Variants in PPP2R5C observed in about 807,000 individuals in gnomAD.
PPP2R5C encodes serine/threonine-protein phosphatase 2A 56 kDa regulatory subunit gamma isoform.
PPP2R5C carries 7 observed loss-of-function variants against 68.9 expected under a neutral mutation model. The observed-to-expected ratio is 0.10, with a 90% CI of 0.06 to 0.19. PPP2R5C has a LOEUF of 0.19. PPP2R5C is among the 10% of genes least tolerant of loss of function. PPP2R5C has a pLI of 1.00. For missense variants in PPP2R5C, 348 were observed against 641.3 expected, an observed-to-expected ratio of 0.54 and a Z score of 4.94; for synonymous variants, 210 against 222.2, an observed-to-expected ratio of 0.95 and a Z score of 0.49.
intron 9 of PPP2R5C, among the ~76,000 whole-genome samples, chr14:101,903,278 CAG>C (rs953771076): frequency 1.3e-5 from 2 of 152,168 alleles, no homozygotes; most frequent in Non-Finnish European, 2.9e-5. Context: ...CAAGAGAAGA[CAG>C]GGACAAGTGG....
intron 2 of PPP2R5C, among the ~76,000 whole-genome samples, chr14:101,863,151 T>A (rs2042856260): frequency 6.6e-6 from 1 of 151,948 alleles, no homozygotes; most frequent in African/African-American, 2.4e-5. Context: ...CTACTAAAAA[T>A]ACAAAAATTA....
intron 1 of PPP2R5C, among the ~76,000 whole-genome samples, chr14:101,840,474 C>G (rs967838967): frequency 1.4e-5 from 2 of 142,896 alleles, no homozygotes; most frequent in East Asian, 2.0e-4. Context: ...ACCTGCTCCC[C>G]CCACCACCAA....
At chr14:101,798,855 G>A (rs1247439629) in intron 3 of PPP2R5C, among the ~76,000 whole-genome samples, 4 of 152,208 alleles carry the variant, frequency 2.6e-5, no homozygotes, top group African/African-American at 9.7e-5. Flanking sequence ...GTCACAGGAG[G>A]TGAGTGGAAG....
chr14:101,888,590 T>C lies in PPP2R5C; in HGVS notation c.630-1647T>C, dbSNP rs2044667205. Among the ~76,000 whole-genome samples, 1 of 137,798 alleles carries C rather than the reference T, an allele frequency of 7.3e-6. No individual in the cohort carries two copies. Among genetic ancestry groups the C allele is most frequent in the African/African-American group, 2.6e-5 (1 of 37,932 alleles). 90.4% of individuals were successfully genotyped at this position (137,798 alleles called of 152,430 possible). On this transcript the variant is annotated intron_variant, in intron 5 of 13. Transcript: ENST00000334743. This position sits in a 1 kb window ranked among gnomAD's most constrained non-coding sequence, Gnocchi z 5.6. ...AGTTTTTCTGTTGTGTTGTTTTGTT[T>C]TGTTTTGTTTTGTTTTTTGTTTTGA...
intron 11 of PPP2R5C, among the ~76,000 whole-genome samples, chr14:101,911,114 A>T (rs1203764241): frequency 7.4e-5 from 11 of 147,832 alleles, no homozygotes; most frequent in Non-Finnish European, 1.5e-4. Flanking sequence ...AAAAAAAAAA[A>T]AATACAAAAA....
rs35320139 is a variant in PPP2R5C, at chr14:101,921,054, CTTTTTTTTTTT to C, written c.1443+3128_1443+3138del. On this transcript the variant is annotated intron_variant, in intron 13 of 13. Coordinates refer to ENST00000334743, the Ensembl canonical transcript of PPP2R5C. ...GTAATATTTGAAATGATAAATTCTG[CTTTTTTTTTTT>C]TTTTTTTTTTTTTTTTTTTTGAGAC... The C allele has an allele frequency of 6.2e-3, 330 of 53,470 alleles. 3 individuals are homozygous for C. The highest frequency in any genetic ancestry group is 0.021 in the African/African-American group (301 of 14,678). The allele number at this position is 53,470 out of a possible 1,614,324, so 3.3% of individuals were successfully genotyped here. A position where few individuals can be genotyped will look rare whatever the true frequency, so the allele number is the denominator to read the frequency against.
At chr14:101,896,030 A>AT (rs2045300396) in intron 8 of PPP2R5C, among the ~76,000 whole-genome samples, 1 of 151,456 alleles carries the variant, frequency 6.6e-6, no homozygotes, top group African/African-American at 2.4e-5. Flanking sequence ...ATTTTATCTT[A>AT]TTTTTTTGAG....
At chr14:101,823,607 A>G (rs1326186158) in intron 1 of PPP2R5C, 2 of 294,128 alleles carry the variant, frequency 6.8e-6, no homozygotes, top group African/African-American at 4.5e-5. Context: ...TTCCTGTGAG[A>G]GAGTAAACAA....
intron 7 of PPP2R5C, among the ~76,000 whole-genome samples, chr14:101,893,468 C>T (rs755010022): frequency 3.9e-5 from 6 of 152,078 alleles, no homozygotes; most frequent in Admixed American, 6.5e-5. Context: ...CCTATGAAAA[C>T]GTTTTTTAAA....
At chr14:101,856,241 C>G (rs570908372) in intron 1 of PPP2R5C, among the ~76,000 whole-genome samples, 1 of 152,186 alleles carries the variant, frequency 6.6e-6, no homozygotes, top group Non-Finnish European at 1.5e-5. Context: ...CATCCTTCCC[C>G]CTCTGGTCTT....
rs2045385832 is a variant in PPP2R5C at position 101,897,158 on chromosome 14, A to G, written c.852+2598A>G. ...CGCCTGAGATTTTGGGGACCTCCCA[A>G]GGAAATGTACCAAATCTCATCACAC... is the stretch of plus-strand genomic sequence containing the variant. On this transcript the variant is annotated intron_variant, in intron 8 of 13. Transcript: ENST00000334743. Among the ~76,000 whole-genome samples, 3 of 152,296 alleles carry G rather than the reference A, an allele frequency of 2.0e-5. No homozygotes were observed. In the South Asian group the frequency reaches 6.2e-4, roughly 32 times the overall value.
intron 1 of PPP2R5C, among the ~76,000 whole-genome samples, chr14:101,837,212 C>T (rs1009960530): frequency 6.6e-5 from 10 of 152,132 alleles, no homozygotes; most frequent in Non-Finnish European, 1.5e-4. Context: ...GGTGCGATCT[C>T]GGCTCACCGC....
chr14:101,887,489 G>A (rs558182555), intron 5 of PPP2R5C, among the ~76,000 whole-genome samples: 4 of 152,324 alleles, frequency 2.6e-5, no homozygotes, highest in South Asian at 2.1e-4. Flanking sequence ...CGATGCTGTC[G>A]TCTGCGCTAG....
upstream of PPP2R5C, among the ~76,000 whole-genome samples, chr14:101,805,372 G>A (rs2039033934): frequency 6.6e-6 from 1 of 152,186 alleles, no homozygotes; most frequent in African/African-American, 2.4e-5. Context: ...ACCCGGCCCT[G>A]TGCACTGTCA....
At chr14:101,923,815 CA>C (rs1393867745) in intron 13 of PPP2R5C, among the ~76,000 whole-genome samples, 1 of 118,334 alleles carries the variant, frequency 8.5e-6, no homozygotes, top group Non-Finnish European at 1.8e-5. Context: ...ACTTTACATT[CA>C]GGACTTCTGC....
Position 101,882,069 on chromosome 14 carries a change from G to A in PPP2R5C, c.295-92G>A, listed in dbSNP as rs772730878. 337 of 1,035,772 alleles carry A rather than the reference G, an allele frequency of 3.3e-4. No individual in the cohort carries two copies. Among genetic ancestry groups the A allele is most frequent in the Non-Finnish European group, 4.0e-4 (295 of 734,054 alleles). The allele number at this position is 1,035,772 out of a possible 1,614,324, so 64.2% of individuals were successfully genotyped here. On this transcript the variant is annotated intron_variant, in intron 2 of 13. Coordinates refer to ENST00000334743, the Ensembl canonical transcript of PPP2R5C. This position sits in a 1 kb window ranked among gnomAD's most constrained non-coding sequence, Gnocchi z 4.9. ...GAGGAGCTAAGTTACCATGGGAAGCGGCTACTGTTAGAATTACCTAAGACT... is the reference window on the plus strand; with the variant it reads ...GAGGAGCTAAGTTACCATGGGAAGCAGCTACTGTTAGAATTACCTAAGACT...
chr14:101,813,065 T>TGTCCAGG (rs2039460875), intron 1 of PPP2R5C, among the ~76,000 whole-genome samples: 1 of 152,234 alleles, frequency 6.6e-6, no homozygotes, highest in Non-Finnish European at 1.5e-5. Flanking sequence ...CTCTCAGCTG[T>TGTCCAGG]GTCCAGGAGA....
chr14:101,823,478 C>G (rs368414699), intron 1 of PPP2R5C, among the ~76,000 whole-genome samples: 3 of 152,224 alleles, frequency 2.0e-5, no homozygotes, highest in African/African-American at 7.2e-5. Context: ...CCCTCTCCCC[C>G]ACAGCATGAT....
upstream of PPP2R5C, chr14:101,761,820 CGGG>C (rs2036555032): frequency 3.5e-6 from 3 of 854,416 alleles, no homozygotes; most frequent in African/African-American, 9.1e-5. Context: ...GCGCGACGGC[CGGG>C]GCGGGGGCGC....
Sources: gnomAD v4.1 joint callset for allele counts (sites outside exome capture counted in the v4.1 genomes callset) on GRCh38, gnomAD v4.1.1 for gene constraint, Gnocchi (gnomAD v3.1) non-coding constraint, MANE v1.5 for transcripts, NCBI Gene and HGNC (gene_info 2026-07-23, HGNC 2026-07-21) for gene names.